OR6N1: variants seen among roughly 807,000 people sequenced by gnomAD.
The protein encoded by OR6N1 is olfactory receptor family 6 subfamily N member 1.
For missense variants in OR6N1, 394 were observed against 371.7 expected (o/e 1.06, Z -0.49); for synonymous variants, 170 against 150.7 (o/e 1.13, Z -0.94).
the OR6N1 span, among the ~76,000 whole-genome samples, chr1:158,787,306 C>G: frequency 6.6e-6 from 1 of 152,040 alleles, no homozygotes; most frequent in Non-Finnish European, 1.5e-5. Context: ...TCCTATACAG[C>G]CTGCAGAGCT....
chr1:158,781,445 ATGTTTGCTG>A, the OR6N1 span, among the ~76,000 whole-genome samples: 1 of 152,046 alleles, frequency 6.6e-6, no homozygotes, highest in Admixed American at 6.6e-5. Context: ...TCTTTCCCAA[ATGTTTGCTG>A]TCTCATCACC....
chr1:158,777,033 G>C, upstream of OR6N1: 1 of 1,614,076 alleles, frequency 6.2e-7, no homozygotes, highest in East Asian at 2.2e-5. Context: ...AAGCATTAAT[G>C]GCAAAGTCCA....
the OR6N1 span, among the ~76,000 whole-genome samples, chr1:158,824,500 A>C: frequency 1.3e-5 from 2 of 152,148 alleles, no homozygotes; most frequent in African/African-American, 4.8e-5. Context: ...GTTTGATTTT[A>C]GAGTATGTGC....
Position 158,766,492 on chromosome 1 carries a change from C to A in OR6N1, c.191G>T (p.Ser64Ile). The A allele has an allele frequency of 6.2e-7, 1 of 1,614,128 alleles. No homozygotes were observed. Among genetic ancestry groups the A allele is most frequent in the Non-Finnish European group, 8.5e-7 (1 of 1,180,032 alleles). The change falls in exon 2 of 2, where the codon AGC (serine) becomes ATC (isoleucine). Residue 64 changes from serine (S) to isoleucine (I), a missense_variant. Coordinates refer to ENST00000641846, the MANE Select transcript of OR6N1 (RefSeq NM_001005185.2). The part of the protein sequence containing the change: ...RLHTPMYHFV[S>I]ILSFSELGYT... ...GCCAAGCTCTGAGAAGGAGAGAATGCTGACAAAGTGGTACATGGGTGTGTG... is the reference window on the plus strand; with the variant it reads ...GCCAAGCTCTGAGAAGGAGAGAATGATGACAAAGTGGTACATGGGTGTGTG...
chr1:158,798,736 T>C, the OR6N1 span, among the ~76,000 whole-genome samples: 1 of 152,166 alleles, frequency 6.6e-6, no homozygotes, highest in Non-Finnish European at 1.5e-5. Flanking sequence ...TTTATATATA[T>C]ACTTATGATT....
At chr1:158,806,546 G>A in the OR6N1 span, among the ~76,000 whole-genome samples, 1 of 152,190 alleles carries the variant, frequency 6.6e-6, no homozygotes, top group Non-Finnish European at 1.5e-5. Context: ...GCAAATAAAT[G>A]ATAGAATTGA....
At chr1:158,824,281 C>A in the OR6N1 span, among the ~76,000 whole-genome samples, 4 of 152,088 alleles carry the variant, frequency 2.6e-5, no homozygotes, top group African/African-American at 4.8e-5. Context: ...CTGCTACCAT[C>A]CATGTAAGAT....
chr1:158,824,068 A>C, the OR6N1 span, among the ~76,000 whole-genome samples: 1 of 152,036 alleles, frequency 6.6e-6, no homozygotes, highest in Non-Finnish European at 1.5e-5. Flanking sequence ...TTATGGTCCA[A>C]GAGTGTGGTT....
chr1:158,815,880 G>T, the OR6N1 span, among the ~76,000 whole-genome samples: 1 of 152,110 alleles, frequency 6.6e-6, no homozygotes, highest in East Asian at 1.9e-4. Context: ...CATAGGCCGG[G>T]CACAGTGGCT....
chr1:158,826,967 C>A, the OR6N1 span, among the ~76,000 whole-genome samples: 1 of 152,076 alleles, frequency 6.6e-6, no homozygotes, highest in African/African-American at 2.4e-5. Flanking sequence ...AACAAAGAAT[C>A]ACTTTATCCA....
the OR6N1 span, among the ~76,000 whole-genome samples, chr1:158,810,478 C>A: frequency 6.6e-6 from 1 of 152,120 alleles, no homozygotes; most frequent in Non-Finnish European, 1.5e-5. Flanking sequence ...TCAGCAAGGA[C>A]CTCTCTGGGG....
the OR6N1 span, among the ~76,000 whole-genome samples, chr1:158,826,353 T>C: frequency 2.6e-5 from 4 of 152,236 alleles, no homozygotes; most frequent in East Asian, 7.7e-4. Flanking sequence ...AATGACTATA[T>C]TTTATTTGGT....
the OR6N1 span, among the ~76,000 whole-genome samples, chr1:158,821,328 C>T: frequency 6.6e-6 from 1 of 152,264 alleles, no homozygotes; most frequent in East Asian, 1.9e-4. Context: ...ACTTTTACTA[C>T]CCAGTCTGCA....
chr1:158,791,204 C>T, the OR6N1 span, among the ~76,000 whole-genome samples: 64 of 152,216 alleles, frequency 4.2e-4, 1 homozygote, highest in African/African-American at 1.4e-3. Context: ...AATTGCCCAA[C>T]GCAATCTACA....
intron 1 of OR6N1, among the ~76,000 whole-genome samples, chr1:158,770,079 G>T (rs1657387374): frequency 6.6e-6 from 1 of 152,074 alleles, no homozygotes; most frequent in Non-Finnish European, 1.5e-5. Context: ...CTGGCCTCCA[G>T]TCCCACTCAC....
At chr1:158,792,356 T>C in the OR6N1 span, among the ~76,000 whole-genome samples, 1 of 152,170 alleles carries the variant, frequency 6.6e-6, no homozygotes, top group Non-Finnish European at 1.5e-5. Context: ...ATTCTCCCAA[T>C]CAGAAACTTT....
chr1:158,805,830 A>G, the OR6N1 span, among the ~76,000 whole-genome samples: 2 of 152,206 alleles, frequency 1.3e-5, no homozygotes, highest in Non-Finnish European at 2.9e-5. Flanking sequence ...TTGTTCAAAT[A>G]TGAGTGGATA....
chr1:158,790,344 T>C, the OR6N1 span, among the ~76,000 whole-genome samples: 11 of 152,120 alleles, frequency 7.2e-5, no homozygotes, highest in Non-Finnish European at 1.5e-4. Context: ...CCATATAAAC[T>C]TTAGGTTGTT....
Position 158,764,715 on chromosome 1 carries a change from T to A in OR6N1, c.*1029A>T, listed in dbSNP as rs1211566488. 1 of 152,132 alleles carries A rather than the reference T, an allele frequency of 6.6e-6. No individual in the cohort carries two copies. The highest frequency in any genetic ancestry group is 1.5e-5 in the Non-Finnish European group (1 of 67,992). 9.4% of individuals were successfully genotyped at this position (152,132 alleles called of 1,614,324 possible). A position where few individuals can be genotyped will look rare whatever the true frequency, so the allele number is the denominator to read the frequency against. On this transcript the variant is annotated 3_prime_UTR_variant, in exon 2 of 2. Transcript: ENST00000641846. ...TCTCTCATATGCTACATTTTAGAATTATTTTTCACACGTTTCAGGAAATAA... is the reference window on the plus strand; with the variant it reads ...TCTCTCATATGCTACATTTTAGAATAATTTTTCACACGTTTCAGGAAATAA...
Sources: gnomAD v4.1 joint callset for allele counts (sites outside exome capture counted in the v4.1 genomes callset) on GRCh38, gnomAD v4.1.1 for gene constraint, MANE v1.5 for transcripts, NCBI Gene and HGNC (gene_info 2026-07-23, HGNC 2026-07-21) for gene names.